ANO3: variants seen among roughly 807,000 people sequenced by gnomAD.
ANO3 encodes anoctamin 3.
ANO3 carries 99 observed loss-of-function variants against 144.8 expected under a neutral mutation model. The observed-to-expected ratio is 0.68, with a 90% CI of 0.58 to 0.81. ANO3 has a LOEUF of 0.81. Among genes scored for constraint, ANO3 ranks in the 30% least tolerant of loss-of-function variants. The pLI, the probability that ANO3 is intolerant of heterozygous loss-of-function variation, is 0.00. For missense variants in ANO3, 905 were observed against 1,202.2 expected (o/e 0.75, Z 3.66); for synonymous variants, 414 against 392.6 (o/e 1.05, Z -0.64).
At chr11:26,320,090 T>A (rs1854722553) in intron 1 of ANO3, among the ~76,000 whole-genome samples, 1 of 152,156 alleles carries the variant, frequency 6.6e-6, no homozygotes, top group Non-Finnish European at 1.5e-5. Flanking sequence ...TATGATGCAA[T>A]GCTGATGGGG....
At chr11:26,572,313 C>T in intron 14 of ANO3, 1 of 877,190 alleles carries the variant, frequency 1.1e-6, no homozygotes, top group Non-Finnish European at 1.4e-6. Flanking sequence ...AAGCCCAACC[C>T]TCCAGTTTTC....
chr11:26,455,152 G>A (rs1859103547), intron 3 of ANO3, among the ~76,000 whole-genome samples: 1 of 151,276 alleles, frequency 6.6e-6, no homozygotes, highest in African/African-American at 2.4e-5. Context: ...CATTCCCTTT[G>A]AAAACTGGCA....
In ANO3 at chr11:26,300,937, T is replaced by A. The variant is rs550933433; in HGVS notation, c.155-8708T>A. Among the ~76,000 whole-genome samples, 56 of 131,038 alleles carry A rather than the reference T, an allele frequency of 4.3e-4. 3 individuals are homozygous for A. The South Asian group carries it at 0.012, about 29-fold the overall frequency. 86.0% of individuals were successfully genotyped at this position (131,038 alleles called of 152,430 possible). On this transcript the variant is annotated intron_variant, in intron 1 of 27. Coordinates refer to the ANO3 transcript ENST00000672621. ...GGTGCAATTTCCACTCACTGCCACC[T>A]CTGCCTCCTGGGCTCAAGCGATTCT...
intron 1 of ANO3, among the ~76,000 whole-genome samples, chr11:26,441,116 T>G (rs987320904): frequency 9.3e-5 from 11 of 118,158 alleles, no homozygotes; most frequent in Admixed American, 4.0e-4. Flanking sequence ...GTTTTTTTTT[T>G]TTTTTTTTTT....
intron 4 of ANO3, among the ~76,000 whole-genome samples, chr11:26,476,901 G>GTA (rs796675184): frequency 4.5e-5 from 5 of 112,212 alleles, no homozygotes; most frequent in African/African-American, 1.5e-4. Flanking sequence ...GTGTGTGTGT[G>GTA]TATGTGTGTG....
chr11:26,301,056 G>A (rs1854221736), intron 1 of ANO3, among the ~76,000 whole-genome samples: 1 of 147,102 alleles, frequency 6.8e-6, no homozygotes, highest in Non-Finnish European at 1.5e-5. Context: ...GTTTCACCAT[G>A]TTGGCCAGGT....
At chr11:26,296,634 A>G (rs1274882416) in intron 1 of ANO3, among the ~76,000 whole-genome samples, 3 of 152,212 alleles carry the variant, frequency 2.0e-5, no homozygotes, top group African/African-American at 7.2e-5. Context: ...GTTGGGTGAC[A>G]TAAAATCATC....
intron 3 of ANO3, among the ~76,000 whole-genome samples, chr11:26,461,440 C>T (rs1309348620): frequency 6.6e-6 from 1 of 152,034 alleles, no homozygotes; most frequent in Admixed American, 6.6e-5. Flanking sequence ...CCCCCCACTC[C>T]TTTCACACCT....
Position 26,449,397 on chromosome 11 carries a change from G to A in ANO3, c.313+5561G>A, listed in dbSNP as rs1006986254. Among the ~76,000 whole-genome samples, 19 of 152,112 alleles carry A rather than the reference G, an allele frequency of 1.2e-4. No individual in the cohort carries two copies. The South Asian group carries it at 2.3e-3, about 18-fold the overall frequency. ...AGGAATAGTACCTGACCCATAGTAG[G>A]TGCTTAAAGAATACTTTTAGGATTA... On this transcript the variant is annotated intron_variant, in intron 3 of 26. Transcript: ENST00000256737.
intron 18 of ANO3, among the ~76,000 whole-genome samples, chr11:26,630,363 G>C (rs141671639): frequency 6.6e-6 from 1 of 152,228 alleles, no homozygotes; most frequent in African/African-American, 2.4e-5. Flanking sequence ...CTTCAGTTTG[G>C]CTTCGCATAG....
rs188510822 is a variant in ANO3 at position 26,571,547 on chromosome 11, T to G, written c.1447+11768T>G. ...ATCTTTGAAAAAGATTTATAGAAGC[T>G]TCTAATCTATTTTATTAGAAGATTT... On this transcript the variant is annotated intron_variant, in intron 14 of 26. Coordinates refer to ENST00000256737, the MANE Select transcript of ANO3 (RefSeq NM_031418.4). Among the ~76,000 whole-genome samples, 44 of 152,202 alleles carry G rather than the reference T, an allele frequency of 2.9e-4. No individual in the cohort carries two copies. The East Asian group carries it at 8.5e-3, about 29-fold the overall frequency.
intron 5 of ANO3, among the ~76,000 whole-genome samples, chr11:26,516,437 A>G (rs1021429472): frequency 1.3e-5 from 2 of 151,880 alleles, no homozygotes; most frequent in Non-Finnish European, 2.9e-5. Context: ...GAACTAGTTA[A>G]TAAATGACTA....
In ANO3 at chr11:26,643,308, C is replaced by G. The variant is rs1279994314; in HGVS notation, c.2402C>G (p.Pro801Arg). 6.2e-7 allele frequency: 1 copy of G among 1,613,998 alleles called. No individual in the cohort carries two copies. The highest frequency in any genetic ancestry group is 8.5e-7 in the Non-Finnish European group (1 of 1,180,022). ...AYKFVTQWRRPLPARATDIGI... is the reference protein window; with the variant it reads ...AYKFVTQWRRRLPARATDIGI... ...AAATTTGTCACTCAATGGCGGAGGC[C>G]TTTGCCAGCCCGAGCAACTGACATA... The change falls in exon 23 of 27, where the codon CCT (proline) becomes CGT (arginine). Residue 801 changes from proline (P) to arginine (R), a missense_variant. This residue lies in a region of ANO3 where 597 missense variants were observed against 865.1 expected (regional missense o/e 0.69). Coordinates refer to ENST00000256737, the MANE Select transcript of ANO3 (RefSeq NM_031418.4).
At chr11:26,290,548 G>C (rs1443300658) in intron 1 of ANO3, among the ~76,000 whole-genome samples, 1 of 152,132 alleles carries the variant, frequency 6.6e-6, no homozygotes, top group Non-Finnish European at 1.5e-5. Context: ...TGTACATTTA[G>C]TGCTATAAAT....
intron 1 of ANO3, among the ~76,000 whole-genome samples, chr11:26,291,686 A>G (rs2133854291): frequency 6.6e-6 from 1 of 152,320 alleles, no homozygotes; most frequent in African/African-American, 2.4e-5. Flanking sequence ...TTGACTGGAT[A>G]TGAAATTCTG....
At chr11:26,642,512 T>C (rs4562780) in intron 22 of ANO3, among the ~76,000 whole-genome samples, 129,204 of 151,344 alleles carry the variant, frequency 0.85, 55,850 homozygotes, top group Non-Finnish European at 0.93. Flanking sequence ...TGACCATGCC[T>C]GGCTAATTTT....
At chr11:26,521,499 G>A (rs1397637474) in intron 6 of ANO3, among the ~76,000 whole-genome samples, 1 of 151,956 alleles carries the variant, frequency 6.6e-6, no homozygotes, top group East Asian at 1.9e-4. Context: ...ATTTTAATTT[G>A]CCTACATTTT....
At chr11:26,414,963 A>G (rs74754887) in intron 1 of ANO3, among the ~76,000 whole-genome samples, 17,421 of 151,666 alleles carry the variant, frequency 0.11, 1,837 homozygotes, top group African/African-American at 0.29. Flanking sequence ...TGAGCCACTC[A>G]CCTCTCTCCC....
At chr11:26,320,373 ATAGT>A (rs1310452333) in intron 1 of ANO3, among the ~76,000 whole-genome samples, 1 of 152,214 alleles carries the variant, frequency 6.6e-6, no homozygotes, top group Admixed American at 6.5e-5. Flanking sequence ...TCTGGAGAAC[ATAGT>A]TAGAGTTTAG....
Sources: gnomAD v4.1 joint callset for allele counts (sites outside exome capture counted in the v4.1 genomes callset) on GRCh38, gnomAD v4.1.1 for gene constraint, gnomAD v4.1.1 regional missense constraint, MANE v1.5 for transcripts, NCBI Gene and HGNC (gene_info 2026-07-23, HGNC 2026-07-21) for gene names.